The following SLC10A7 variants were observed in gnomAD, a reference collection of about 807,000 sequenced individuals.
The protein encoded by SLC10A7 is solute carrier family 10 member 7.
SLC10A7 carries 29 observed loss-of-function variants against 43.2 expected under a neutral mutation model. That is an observed-to-expected ratio of 0.67 (90% CI 0.50 to 0.92). The LOEUF (loss-of-function observed/expected upper bound fraction) is 0.92, where lower values mean the gene tolerates loss of function less well. SLC10A7 is among the 40% of genes least tolerant of loss of function. The pLI is 0.00. For missense variants in SLC10A7, 295 were observed against 403.2 expected, an observed-to-expected ratio of 0.73 and a Z score of 2.30; for synonymous variants, 152 against 144.8, an observed-to-expected ratio of 1.05 and a Z score of -0.35.
intron 5 of SLC10A7, among the ~76,000 whole-genome samples, chr4:146,331,303 A>G (rs1011835372): frequency 6.6e-6 from 1 of 152,200 alleles, no homozygotes; most frequent in African/African-American, 2.4e-5. Context: ...CAGCCAATCC[A>G]AGGTTTACTT....
intron 5 of SLC10A7, among the ~76,000 whole-genome samples, chr4:146,421,154 G>A (rs566044077): frequency 1.3e-5 from 2 of 152,180 alleles, no homozygotes; most frequent in South Asian, 4.2e-4. Context: ...GCATTTGAGA[G>A]ATTTAATCTT....
chr4:146,437,499 A>G (rs779969519), intron 5 of SLC10A7, among the ~76,000 whole-genome samples: 5 of 152,246 alleles, frequency 3.3e-5, no homozygotes, highest in South Asian at 2.1e-4. Context: ...TTTAAGTTTA[A>G]TGAAAATAAA....
At chr4:146,457,128 TTATC>T (rs1184337204) in intron 4 of SLC10A7, among the ~76,000 whole-genome samples, 3 of 151,970 alleles carry the variant, frequency 2.0e-5, no homozygotes, top group Non-Finnish European at 4.4e-5. Flanking sequence ...CAATAAAACT[TTATC>T]TATGGATACT....
intron 3 of SLC10A7, among the ~76,000 whole-genome samples, chr4:146,506,842 T>C (rs1047175472): frequency 7.9e-5 from 12 of 152,228 alleles, no homozygotes; most frequent in Admixed American, 2.0e-4. Context: ...TTCAAGTTTA[T>C]ATTTTTTAGC....
At chr4:146,259,718 A>C (rs1393925266) in intron 10 of SLC10A7, among the ~76,000 whole-genome samples, 3 of 152,252 alleles carry the variant, frequency 2.0e-5, no homozygotes, top group Non-Finnish European at 4.4e-5. Flanking sequence ...ATATTTTATA[A>C]GCTGCTGCCT....
At chr4:146,501,348 G>A (rs7687182) in intron 4 of SLC10A7, among the ~76,000 whole-genome samples, 121,428 of 152,154 alleles carry the variant, frequency 0.8, 48,900 homozygotes, top group East Asian at 0.96. Flanking sequence ...CTTTACCTAT[G>A]TGGCTGACAT....
intron 10 of SLC10A7, among the ~76,000 whole-genome samples, chr4:146,280,543 C>G (rs1303960530): frequency 6.6e-6 from 1 of 152,046 alleles, no homozygotes. Flanking sequence ...TAAAAACAAA[C>G]AAAAAAGAAT....
intron 5 of SLC10A7, among the ~76,000 whole-genome samples, chr4:146,419,659 A>G (rs944466993): frequency 6.6e-6 from 1 of 152,002 alleles, no homozygotes; most frequent in Non-Finnish European, 1.5e-5. Context: ...AACATGGTGA[A>G]ATCCCATCTC....
intron 5 of SLC10A7, among the ~76,000 whole-genome samples, chr4:146,369,255 G>T (rs1307600265): frequency 2.0e-5 from 3 of 152,120 alleles, no homozygotes; most frequent in Non-Finnish European, 4.4e-5. Flanking sequence ...CTGAGCCTCA[G>T]CTTCCTCAGT....
intron 5 of SLC10A7, among the ~76,000 whole-genome samples, chr4:146,349,763 C>T (rs1734889821): frequency 6.6e-6 from 1 of 152,238 alleles, no homozygotes; most frequent in Middle Eastern, 3.4e-3. Context: ...CACATTCTCA[C>T]TTACAAGCGG....
rs182192324 is a variant in SLC10A7 at position 146,511,397 on chromosome 4, T to C, written c.184-1348A>G. 9.5e-4 allele frequency among the ~76,000 whole-genome samples: 144 copies of C among 152,348 alleles called. 2 individuals carry two copies. The South Asian group carries it at 0.011, about 12-fold the overall frequency. ...GTGATCATTAAAACATATTCAACTATGCCAGAGAGTTACTGGTTGTAAGTA... is the reference window on the plus strand; with the variant it reads ...GTGATCATTAAAACATATTCAACTACGCCAGAGAGTTACTGGTTGTAAGTA... On this transcript the variant is annotated intron_variant, in intron 2 of 11. Coordinates refer to ENST00000335472, the MANE Select transcript of SLC10A7 (RefSeq NM_001029998.6).
intron 2 of SLC10A7, among the ~76,000 whole-genome samples, 162 bp from the exon 3 acceptor site, chr4:146,510,211 A>T (rs1284752285): frequency 2.6e-5 from 4 of 152,138 alleles, no homozygotes; most frequent in Non-Finnish European, 5.9e-5. Flanking sequence ...AATGCAAGAT[A>T]AAAAAGTTAC....
intron 5 of SLC10A7, among the ~76,000 whole-genome samples, chr4:146,359,452 T>A (rs867905641): frequency 6.6e-6 from 1 of 152,174 alleles, no homozygotes; most frequent in Non-Finnish European, 1.5e-5. Flanking sequence ...TGTTCACCTA[T>A]GTTTTTTTCT....
chr4:146,468,314 T>G (rs1488406842), intron 4 of SLC10A7, among the ~76,000 whole-genome samples: 1 of 152,176 alleles, frequency 6.6e-6, no homozygotes, highest in African/African-American at 2.4e-5. Context: ...ATCAATGACT[T>G]GCCAAATCAG....
intron 5 of SLC10A7, among the ~76,000 whole-genome samples, chr4:146,417,120 T>C (rs1044959541): frequency 2.6e-5 from 4 of 152,228 alleles, no homozygotes; most frequent in Non-Finnish European, 5.9e-5. Context: ...GGTCCACAAG[T>C]GTTATCTGTT....
intron 1 of SLC10A7, among the ~76,000 whole-genome samples, chr4:146,517,528 A>C (rs1018688112): frequency 6.6e-6 from 1 of 152,144 alleles, no homozygotes; most frequent in Non-Finnish European, 1.5e-5. Context: ...ATGGTACTTT[A>C]GATATCAGTG....
At chr4:146,295,112 C>T (rs1730690567) in intron 7 of SLC10A7, among the ~76,000 whole-genome samples, 1 of 152,118 alleles carries the variant, frequency 6.6e-6, no homozygotes, top group African/African-American at 2.4e-5. Flanking sequence ...GCTTAATTCG[C>T]AATGGAGCAT....
intron 4 of SLC10A7, among the ~76,000 whole-genome samples, chr4:146,485,826 G>T (rs966724835): frequency 4.6e-4 from 70 of 152,188 alleles, no homozygotes; most frequent in African/African-American, 1.6e-3. Context: ...GTGAAGACCT[G>T]GTTGGTGAAG....
intron 4 of SLC10A7, among the ~76,000 whole-genome samples, chr4:146,492,836 G>T (rs372897837): frequency 1.3e-5 from 2 of 151,988 alleles, no homozygotes; most frequent in African/African-American, 2.4e-5. Flanking sequence ...ATTTACATGG[G>T]TCTTATATGT....
Sources: allele counts gnomAD v4.1 joint callset (sites outside exome capture counted in the v4.1 genomes callset), GRCh38; gene constraint gnomAD v4.1.1; transcripts MANE v1.5; gene names NCBI Gene and HGNC (gene_info 2026-07-23, HGNC 2026-07-21).